Variants in BCO2 observed in about 807,000 individuals in gnomAD.
The protein encoded by BCO2 is carotenoid-cleaving dioxygenase, mitochondrial.
In BCO2, 56 loss-of-function variants were observed where a neutral mutation model predicts 65.8. The ratio of observed to expected loss-of-function variants is 0.85; its 90% CI spans 0.69 to 1.06. BCO2 has a LOEUF of 1.06. Ranked by LOEUF, BCO2 falls within the 50% of genes least tolerant of loss-of-function variation. The pLI, the probability that BCO2 is intolerant of heterozygous loss-of-function variation, is 0.00. For synonymous variants in BCO2, 233 were observed against 242.3 expected (o/e 0.96, Z 0.36); for missense variants, 675 against 698.5 (o/e 0.97, Z 0.38).
At chr11:112,199,271 C>T (rs143963083) in intron 5 of BCO2, among the ~76,000 whole-genome samples, 1 of 152,276 alleles carries the variant, frequency 6.6e-6, no homozygotes, top group East Asian at 1.9e-4. Flanking sequence ...ATCCATGTCC[C>T]TGCAAAGGAC....
rs765425934 is a variant in BCO2, at chr11:112,175,689, G to T, written c.88G>T (p.Val30Phe). The T allele has an allele frequency of 1.9e-6, 3 of 1,611,948 alleles. No homozygotes were observed. The highest frequency in any genetic ancestry group is 2.5e-6 in the Non-Finnish European group (3 of 1,178,118). ...TCCTGTGATGGTGCACCGGCTCCCA[G>T]GTAGAGGGTTTGCCCCTTTCTCTTC... ...FLPVMVHRLP[V>F]FKRYMGNTPQ... Residue 30 changes from valine to phenylalanine, a missense_variant and splice_region_variant, in exon 1 of 12, where the codon GTT (valine) becomes TTT (phenylalanine). Val to Phe is a conservative substitution (Grantham distance 50, BLOSUM62 -1). Transcript: ENST00000357685.
intron 11 of BCO2, 111 bp from the exon 12 acceptor site, chr11:112,217,650 T>C: frequency 1.4e-6 from 1 of 709,326 alleles, no homozygotes. Flanking sequence ...TGTGAGCCAC[T>C]GTGCCTGACC....
In BCO2 at chr11:112,191,084, AGGGAT is replaced by A. The variant is rs960275683; in HGVS notation, c.294-2387_294-2383del. 4.6e-5 allele frequency among the ~76,000 whole-genome samples: 7 copies of A among 151,612 alleles called. 1 individual carries two copies. The highest frequency in any genetic ancestry group is 2.0e-4 in the Admixed American group (3 of 15,218). The stretch of plus-strand genomic sequence containing the variant: ...ATTTTCTTCAAGTCCAGAAACAGGA[AGGGAT>A]GGTCAGTATCTTCACTACTGTTCAA... On this transcript the variant is annotated intron_variant, in intron 2 of 11. Coordinates refer to ENST00000357685, the MANE Select transcript of BCO2 (RefSeq NM_031938.7).
At chr11:112,210,977 C>T (rs974638123) in intron 8 of BCO2, among the ~76,000 whole-genome samples, 4 of 151,914 alleles carry the variant, frequency 2.6e-5, no homozygotes, top group Admixed American at 2.6e-4. Context: ...ACCATTTTAA[C>T]CATTTTAGGT....
chr11:112,213,786 G>C lies in BCO2; in HGVS notation c.1257G>C (p.Leu419Phe). Residue 419 changes from leucine to phenylalanine, a missense_variant, in exon 9 of 12, where the codon TTG (leucine) becomes TTC (phenylalanine). Coordinates refer to ENST00000357685, the MANE Select transcript of BCO2 (RefSeq NM_031938.7). ...RRFVLPLNVS[L>F]NAPEGDNLSP... ...TTGTTTTGCCTTTAAATGTCAGTTT[G>C]AATGCCCCTGAGGGAGACAACCTGA... 1 of 1,613,406 alleles carries C rather than the reference G, an allele frequency of 6.2e-7. No homozygotes were observed.
At chr11:112,210,640 C>A (rs1374469928) in intron 8 of BCO2, among the ~76,000 whole-genome samples, 5 of 152,046 alleles carry the variant, frequency 3.3e-5, no homozygotes, top group African/African-American at 1.2e-4. Flanking sequence ...TATGGCTATA[C>A]CCTTATCAAA....
At chr11:112,215,229 G>A in intron 10 of BCO2, 1 of 392,370 alleles carries the variant, frequency 2.5e-6, no homozygotes, top group Non-Finnish European at 4.7e-6. Context: ...AAAGTTGATG[G>A]CAAATTATAG....
At chr11:112,205,709 T>A (rs531700657) in intron 8 of BCO2, among the ~76,000 whole-genome samples, 1 of 152,344 alleles carries the variant, frequency 6.6e-6, no homozygotes, top group Non-Finnish European at 1.5e-5. Context: ...TCCTCCTGCC[T>A]CAGCCTCACA....
Position 112,214,849 on chromosome 11 carries a change from A to G in BCO2, c.1420A>G (p.Ser474Gly). Reference protein sequence around the residue: ...EFPQIYYDRFSGKKYHFFYGC... With the variant: ...EFPQIYYDRFGGKKYHFFYGC... ...TCCTCAGATCTACTATGATCGATTCAGTGGCAAAAAGTATCATTTCTTTTA... is the reference window on the plus strand; with the variant it reads ...TCCTCAGATCTACTATGATCGATTCGGTGGCAAAAAGTATCATTTCTTTTA... Residue 474 changes from serine (S) to glycine (G), a missense_variant, in exon 10 of 12, where the codon AGT becomes GGT. Physicochemically the swap from Ser to Gly is moderately conservative, Grantham distance 56. Coordinates refer to ENST00000357685, the MANE Select transcript of BCO2 (RefSeq NM_031938.7). 6.2e-7 allele frequency: 1 copy of G among 1,614,116 alleles called. No individual in the cohort carries two copies. The highest frequency in any genetic ancestry group is 8.5e-7 in the Non-Finnish European group (1 of 1,179,946).
intron 8 of BCO2, among the ~76,000 whole-genome samples, chr11:112,202,979 G>A (rs910784056): frequency 2.0e-5 from 3 of 151,644 alleles, no homozygotes; most frequent in Admixed American, 6.6e-5. Context: ...GAACCCAGGA[G>A]GTGGAGGTTG....
Position 112,193,632 on chromosome 11 carries a change from C to G in BCO2, c.452C>G (p.Pro151Arg), listed in dbSNP as rs796410938. ...TCAGAATTTGGCACACTGGCTCTCC[C>G]GGATCCATGCAAGAATGTTTTTGAA... ...VISEFGTLAL[P>R]DPCKNVFERF... The change falls in exon 3 of 12, where the codon CCG becomes CGG. Residue 151 changes from proline (P) to arginine (R), a missense_variant. Coordinates refer to ENST00000357685, the MANE Select transcript of BCO2 (RefSeq NM_031938.7). The G allele has an allele frequency of 6.2e-7, 1 of 1,614,084 alleles. No individual in the cohort carries two copies. Among genetic ancestry groups the G allele is most frequent in the South Asian group, 1.1e-5 (1 of 91,066 alleles).
chr11:112,196,168 TA>T (rs1867567416), intron 5 of BCO2, among the ~76,000 whole-genome samples: 1 of 152,260 alleles, frequency 6.6e-6, no homozygotes, highest in Admixed American at 6.5e-5. Flanking sequence ...CTAATGTGTT[TA>T]AATTCCGTGA....
At chr11:112,176,789 A>G (rs1364641696) in intron 1 of BCO2, among the ~76,000 whole-genome samples, 2 of 152,214 alleles carry the variant, frequency 1.3e-5, no homozygotes, top group Non-Finnish European at 2.9e-5. Flanking sequence ...CCATTTTATC[A>G]TGGAAAAACC....
intron 2 of BCO2, among the ~76,000 whole-genome samples, chr11:112,184,422 T>A (rs1431063046): frequency 6.6e-6 from 1 of 151,856 alleles, no homozygotes; most frequent in Non-Finnish European, 1.5e-5. Context: ...CTGGCTAATT[T>A]TTTTGTATTT....
At position 112,218,165 on chromosome 11, in the gene BCO2, C is replaced by A; in HGVS notation, c.*291C>A. On this transcript the variant is annotated 3_prime_UTR_variant, in exon 12 of 12. Coordinates refer to ENST00000357685, the MANE Select transcript of BCO2 (RefSeq NM_031938.7). Reference sequence around the variant, plus strand: ...AATGTACTCTATACAAAAGACAGAGCATAAAGGGCACCGTACCTCCCAAAC... The same window carrying A: ...AATGTACTCTATACAAAAGACAGAGAATAAAGGGCACCGTACCTCCCAAAC... 4.3e-6 allele frequency: 1 copy of A among 230,608 alleles called. No homozygotes were observed. Among genetic ancestry groups the A allele is most frequent in the Non-Finnish European group, 8.5e-6 (1 of 118,090 alleles). The allele number at this position is 230,608 out of a possible 1,614,324, so 14.3% of individuals were successfully genotyped here. A position where few individuals can be genotyped will look rare whatever the true frequency, so the allele number is the denominator to read the frequency against.
chr11:112,193,992 A>G lies in BCO2; in HGVS notation c.631A>G (p.Lys211Glu), dbSNP rs1398157527. 6.6e-6 allele frequency: 10 copies of G among 1,525,388 alleles called. No individual in the cohort carries two copies. The highest frequency in any genetic ancestry group is 9.1e-6 in the Non-Finnish European group (10 of 1,099,396). The allele number at this position is 1,525,388 out of a possible 1,614,324, so 94.5% of individuals were successfully genotyped here. ...CATTGAAACTCTGGAAAAAACAGAA[A>G]AGGTAAAGTACAGGTAAAAAAAAAT... is the stretch of plus-strand genomic sequence containing the variant. ...VDIETLEKTE[K>E]VDWSKFIAVN... Residue 211 changes from lysine (K) to glutamate (E), a missense_variant and splice_region_variant, in exon 4 of 12, where the codon AAG (lysine) becomes GAG (glutamate). Lys to Glu is a moderately conservative substitution (Grantham distance 56, BLOSUM62 1). Transcript: ENST00000357685.
chr11:112,205,843 C>T (rs1867851986), intron 8 of BCO2, among the ~76,000 whole-genome samples: 1 of 152,202 alleles, frequency 6.6e-6, no homozygotes, highest in Non-Finnish European at 1.5e-5. Flanking sequence ...AAGTGATCCT[C>T]CTGCCTCAGC....
intron 8 of BCO2, among the ~76,000 whole-genome samples, chr11:112,203,605 A>C (rs1057039164): frequency 1.3e-5 from 2 of 152,260 alleles, no homozygotes; most frequent in African/African-American, 4.8e-5. Context: ...TGACAAGAGC[A>C]GTTAAAATCT....
At chr11:112,206,721 T>C (rs1592860399) in intron 8 of BCO2, among the ~76,000 whole-genome samples, 1 of 152,202 alleles carries the variant, frequency 6.6e-6, no homozygotes, top group South Asian at 2.1e-4. Flanking sequence ...GTGCAGAAAC[T>C]TTTAAATTTG....
Sources: allele counts gnomAD v4.1 joint callset (sites outside exome capture counted in the v4.1 genomes callset), GRCh38; gene constraint gnomAD v4.1.1; transcripts MANE v1.5; gene names NCBI Gene and HGNC (gene_info 2026-07-23, HGNC 2026-07-21).